Variants in AKAP19 observed in about 807,000 individuals in gnomAD.
AKAP19 encodes the protein small A-kinase anchoring protein.
chr2:190,030,121 A>G, the AKAP19 span, among the ~76,000 whole-genome samples: 45 of 152,144 alleles, frequency 3.0e-4, no homozygotes, highest in African/African-American at 1.1e-3. Flanking sequence ...GTAATATTTA[A>G]ATATAGTTCA....
At chr2:190,153,619 T>G in the AKAP19 span, among the ~76,000 whole-genome samples, 1 of 152,196 alleles carries the variant, frequency 6.6e-6, no homozygotes, top group Non-Finnish European at 1.5e-5. Context: ...GTTTTGGTTT[T>G]TATTAAATTC....
chr2:189,977,636 C>T, the AKAP19 span, among the ~76,000 whole-genome samples: 24 of 152,252 alleles, frequency 1.6e-4, no homozygotes, highest in Non-Finnish European at 2.6e-4. Context: ...TTTTGGTAGT[C>T]ACATGTTTCT....
chr2:190,197,307 A>G, the AKAP19 span, among the ~76,000 whole-genome samples: 4 of 152,190 alleles, frequency 2.6e-5, no homozygotes, highest in African/African-American at 9.7e-5. This position sits in a 1 kb window ranked among gnomAD's most constrained non-coding sequence, Gnocchi z 4.0. Context: ...ACTAAATACG[A>G]AAGTGTTCAA....
chr2:190,065,272 G>T, the AKAP19 span, among the ~76,000 whole-genome samples: 3 of 152,130 alleles, frequency 2.0e-5, no homozygotes, highest in Non-Finnish European at 4.4e-5. Flanking sequence ...AAGTAGCATG[G>T]TGGTTGCCAG....
chr2:189,954,941 T>C, the AKAP19 span, among the ~76,000 whole-genome samples: 1 of 151,988 alleles, frequency 6.6e-6, no homozygotes, highest in East Asian at 1.9e-4. Flanking sequence ...AAATTCTTTT[T>C]TAAAAAAATA....
chr2:189,959,043 G>C, the AKAP19 span, among the ~76,000 whole-genome samples: 23 of 151,972 alleles, frequency 1.5e-4, no homozygotes, highest in Non-Finnish European at 3.1e-4. Flanking sequence ...TCAGGAAGGG[G>C]TACACAGGAC....
the AKAP19 span, among the ~76,000 whole-genome samples, chr2:190,039,899 A>G: frequency 6.6e-6 from 1 of 152,270 alleles, no homozygotes; most frequent in South Asian, 2.1e-4. Flanking sequence ...ATATGTAACC[A>G]CATTTTCTTT....
the AKAP19 span, among the ~76,000 whole-genome samples, chr2:189,943,110 G>C: frequency 3.3e-5 from 5 of 152,204 alleles, no homozygotes; most frequent in African/African-American, 1.2e-4. Flanking sequence ...TAATATCAAA[G>C]ACAATGAAGA....
At chr2:190,021,939 TA>T in the AKAP19 span, among the ~76,000 whole-genome samples, 4 of 152,300 alleles carry the variant, frequency 2.6e-5, no homozygotes, top group African/African-American at 9.6e-5. Context: ...CTGTGTCTAG[TA>T]TGAACCTGCT....
the AKAP19 span, among the ~76,000 whole-genome samples, chr2:189,891,656 C>T: frequency 6.6e-6 from 1 of 152,066 alleles, no homozygotes; most frequent in African/African-American, 2.4e-5. Context: ...TCTGTGGCTG[C>T]CCTTAACATT....
At chr2:190,064,004 T>C in the AKAP19 span, among the ~76,000 whole-genome samples, 1 of 152,138 alleles carries the variant, frequency 6.6e-6, no homozygotes. Context: ...TTTAGTCCAT[T>C]ACTTTTTTTT....
the AKAP19 span, among the ~76,000 whole-genome samples, chr2:190,192,548 GAATCCATT>G: frequency 6.6e-6 from 1 of 151,012 alleles, no homozygotes; most frequent in Non-Finnish European, 1.5e-5. Flanking sequence ...TGGACTTTTA[GAATCCATT>G]TGTCAATGTC....
chr2:189,962,913 C>T, the AKAP19 span, among the ~76,000 whole-genome samples: 15 of 151,832 alleles, frequency 9.9e-5, no homozygotes, highest in African/African-American at 3.6e-4. Context: ...GAAGAAATCA[C>T]ATTTTACATT....
the AKAP19 span, among the ~76,000 whole-genome samples, chr2:189,903,785 T>C: frequency 6.6e-6 from 1 of 151,762 alleles, no homozygotes; most frequent in Non-Finnish European, 1.5e-5. Context: ...CAACCCATGT[T>C]CCCCCACTAC....
the AKAP19 span, chr2:190,062,854 C>G: frequency 7.3e-6 from 3 of 410,640 alleles, no homozygotes; most frequent in Admixed American, 8.3e-5. Context: ...CTGTCTGTCC[C>G]AAGTCACCAA....
At chr2:190,056,811 T>C in the AKAP19 span, 1 of 183,564 alleles carries the variant, frequency 5.4e-6, no homozygotes, top group African/African-American at 2.4e-5. Flanking sequence ...CCATACAATA[T>C]AAATTCAAGT....
At chr2:190,017,102 T>C in the AKAP19 span, among the ~76,000 whole-genome samples, 1 of 152,180 alleles carries the variant, frequency 6.6e-6, no homozygotes, top group Non-Finnish European at 1.5e-5. Flanking sequence ...ATGGCTACCA[T>C]TGCTTTCTTT....
At chr2:190,184,903 C>T in the AKAP19 span, among the ~76,000 whole-genome samples, 6 of 152,144 alleles carry the variant, frequency 3.9e-5, no homozygotes, top group Non-Finnish European at 8.8e-5. Flanking sequence ...TACCTCTCTT[C>T]CCCCAAGACA....
chr2:189,920,924 C>T, the AKAP19 span, among the ~76,000 whole-genome samples: 2 of 152,184 alleles, frequency 1.3e-5, no homozygotes, highest in Admixed American at 6.5e-5. Flanking sequence ...ATAACTTATT[C>T]TGGCCCCTTC....
Sources: gnomAD v4.1 joint callset for allele counts (sites outside exome capture counted in the v4.1 genomes callset) on GRCh38, gnomAD v4.1.1 for gene constraint, Gnocchi (gnomAD v3.1) non-coding constraint, MANE v1.5 for transcripts, NCBI Gene and HGNC (gene_info 2026-07-23, HGNC 2026-07-21) for gene names.